The following LRIG1 variants were observed in gnomAD, a reference collection of about 807,000 sequenced individuals.
LRIG1 encodes the protein leucine-rich repeats and immunoglobulin-like domains protein 1.
A neutral mutation model predicts 99.2 loss-of-function variants in LRIG1; 48 were observed. That is an observed-to-expected ratio of 0.48 (90% confidence interval 0.38 to 0.62). The LOEUF (loss-of-function observed/expected upper bound fraction) is 0.62, where lower values mean the gene tolerates loss of function less well. Among genes scored for constraint, LRIG1 ranks in the 20% least tolerant of loss-of-function variants. The pLI is 0.00. For missense variants in LRIG1, 1,646 were observed against 1,434.4 expected (o/e 1.15, Z -2.38); for synonymous variants, 772 against 596.1 (o/e 1.29, Z -4.30).
chr3:66,468,101 C>A (rs571636073), intron 1 of LRIG1, among the ~76,000 whole-genome samples: 2 of 152,210 alleles, frequency 1.3e-5, no homozygotes, highest in South Asian at 4.1e-4. Flanking sequence ...ATCTGACAAG[C>A]ACCTTCCTGG....
At chr3:66,408,648 G>A (rs1301821538) in intron 7 of LRIG1, among the ~76,000 whole-genome samples, 1 of 152,120 alleles carries the variant, frequency 6.6e-6, no homozygotes, top group African/African-American at 2.4e-5. Context: ...AGGCTTCGGG[G>A]ACTTAAAAGA....
At chr3:66,443,664 T>C (rs1330020066) in intron 3 of LRIG1, among the ~76,000 whole-genome samples, 2 of 152,204 alleles carry the variant, frequency 1.3e-5, no homozygotes, top group African/African-American at 4.8e-5. Flanking sequence ...TTCACCCATC[T>C]TCCTCTGCAG....
At chr3:66,472,228 C>T (rs1030217001) in intron 1 of LRIG1, among the ~76,000 whole-genome samples, 1 of 133,012 alleles carries the variant, frequency 7.5e-6, no homozygotes, top group Non-Finnish European at 1.5e-5. Context: ...GGCGAGAACC[C>T]GGGAGGCGGA....
chr3:66,382,531 G>A, intron 15 of LRIG1, 133 bp from the exon 16 acceptor site: 1 of 1,026,400 alleles, frequency 9.7e-7, no homozygotes, highest in Non-Finnish European at 1.5e-6. Flanking sequence ...ATGACATGGA[G>A]TCCATGTACG....
rs115835121 is a variant in LRIG1, at chr3:66,394,739, G to A, written c.1305-536C>T. Among the ~76,000 whole-genome samples the A allele has an allele frequency of 1.3e-3, 195 of 152,182 alleles. 4 individuals carry two copies. The highest frequency in any genetic ancestry group is 4.6e-3 in the African/African-American group (191 of 41,446). On this transcript the variant is annotated intron_variant, in intron 11 of 18. Coordinates refer to ENST00000273261, the MANE Select transcript of LRIG1 (RefSeq NM_015541.3). ...CCGAGGAGGGCTCTTTTGCCTCATG[G>A]CTGTTCCTTTTCCATTTGGCAAAGC...
intron 1 of LRIG1, among the ~76,000 whole-genome samples, chr3:66,497,704 CAAA>C (rs71616223): frequency 2.2e-5 from 2 of 89,264 alleles, no homozygotes; most frequent in Non-Finnish European, 4.0e-5. Context: ...GCACTGTTTA[CAAA>C]AAAAAAAAAA....
chr3:66,411,340 C>T (rs1398927945), intron 6 of LRIG1, among the ~76,000 whole-genome samples: 1 of 152,142 alleles, frequency 6.6e-6, no homozygotes, highest in African/African-American at 2.4e-5. Flanking sequence ...GTATAAATAA[C>T]CTCTAAGGCA....
chr3:66,405,713 A>G, intron 8 of LRIG1: 2 of 1,104,594 alleles, frequency 1.8e-6, no homozygotes, highest in South Asian at 2.3e-5. Context: ...CATGGAAGAA[A>G]GAGACCCGGC....
intron 3 of LRIG1, among the ~76,000 whole-genome samples, chr3:66,445,357 C>CGG (rs1703681097): frequency 6.6e-6 from 1 of 151,846 alleles, no homozygotes; most frequent in South Asian, 2.1e-4. Flanking sequence ...GGTTGCTACG[C>CGG]GGGGGAAGCC....
At chr3:66,407,549 C>T in intron 7 of LRIG1, 58 bp from the exon 8 acceptor site, 1 of 1,592,908 alleles carries the variant, frequency 6.3e-7, no homozygotes, top group Non-Finnish European at 8.6e-7. Context: ...CCAACCCCAC[C>T]CCACCGGAAA....
At chr3:66,406,584 GAGAC>G (rs1702276368) in intron 8 of LRIG1, among the ~76,000 whole-genome samples, 1 of 152,176 alleles carries the variant, frequency 6.6e-6, no homozygotes, top group African/African-American at 2.4e-5. Context: ...GCCTGAGAAG[GAGAC>G]CCTAGAACCC....
At chr3:66,403,053 T>G (rs552195416) in intron 9 of LRIG1, among the ~76,000 whole-genome samples, 14 of 152,282 alleles carry the variant, frequency 9.2e-5, no homozygotes, top group African/African-American at 3.4e-4. Flanking sequence ...CCTTTCAATG[T>G]GGAAATTTGC....
chr3:66,421,529 C>T (rs970191415), intron 3 of LRIG1, among the ~76,000 whole-genome samples: 1 of 152,202 alleles, frequency 6.6e-6, no homozygotes, highest in Non-Finnish European at 1.5e-5. Context: ...GACGTGGGTT[C>T]CCATGGTCTT....
chr3:66,486,967 C>G (rs917943462), intron 1 of LRIG1, among the ~76,000 whole-genome samples: 9 of 152,186 alleles, frequency 5.9e-5, no homozygotes, highest in African/African-American at 2.2e-4. Context: ...CCTTCGCCCT[C>G]AAAGTAAAAA....
chr3:66,394,152 G>A lies in LRIG1; in HGVS notation c.1356C>T (p.Pro452=). ...FLCDCQLKWL[P]PWLIGRMLQA... ...GCAGCATCCTGCCAATTAGCCACGG[G>A]GGCAGCCACTTCAGCTGGCAGTCAC... The change falls in exon 12 of 19, where the codon CCC becomes CCT. Residue 452 remains proline (P), a synonymous_variant. Coordinates refer to ENST00000273261, the MANE Select transcript of LRIG1 (RefSeq NM_015541.3). 1 of 1,610,948 alleles carries A rather than the reference G, an allele frequency of 6.2e-7. No homozygotes were observed. Among genetic ancestry groups the A allele is most frequent in the Non-Finnish European group, 8.5e-7 (1 of 1,178,732 alleles).
intron 1 of LRIG1, among the ~76,000 whole-genome samples, chr3:66,466,342 A>G (rs1040716787): frequency 2.0e-5 from 3 of 152,198 alleles, no homozygotes; most frequent in African/African-American, 7.2e-5. Context: ...TGCACCTGGC[A>G]GAATTTCATT....
chr3:66,463,897 G>A (rs2106843370), intron 1 of LRIG1, among the ~76,000 whole-genome samples: 1 of 152,292 alleles, frequency 6.6e-6, no homozygotes, highest in South Asian at 2.1e-4. Flanking sequence ...GAAACTAATG[G>A]CACTTCTGTA....
At chr3:66,441,995 C>T (rs1235434596) in intron 3 of LRIG1, among the ~76,000 whole-genome samples, 3 of 152,156 alleles carry the variant, frequency 2.0e-5, no homozygotes, top group African/African-American at 4.8e-5. Context: ...CATAGAGCAA[C>T]GCCTGCCAAT....
At chr3:66,386,510 C>A in intron 12 of LRIG1, 1 of 566,792 alleles carries the variant, frequency 1.8e-6, no homozygotes, top group Non-Finnish European at 3.2e-6. Context: ...GAGTACTGAT[C>A]ACCTTTATGA....
Sources: gnomAD v4.1 joint callset for allele counts (sites outside exome capture counted in the v4.1 genomes callset) on GRCh38, gnomAD v4.1.1 for gene constraint, MANE v1.5 for transcripts, NCBI Gene and HGNC (gene_info 2026-07-23, HGNC 2026-07-21) for gene names.